The following HPS3 variants were observed in gnomAD, a reference collection of about 807,000 sequenced individuals.
The protein encoded by HPS3 is BLOC-2 complex member HPS3.
HPS3 carries 79 observed loss-of-function variants against 110.9 expected under a neutral mutation model. The observed-to-expected ratio is 0.71, with a 90% CI of 0.59 to 0.86. The LOEUF (loss-of-function observed/expected upper bound fraction) is 0.86, where lower values mean the gene tolerates loss of function less well. Among genes scored for constraint, HPS3 ranks in the 40% least tolerant of loss-of-function variants. The probability of loss-of-function intolerance (pLI) is 0.00; values close to 1 mark genes in which losing one functional copy is unlikely to be tolerated. For synonymous variants in HPS3, 428 were observed against 451.0 expected (o/e 0.95, Z 0.65); for missense variants, 1,197 against 1,206.2 (o/e 0.99, Z 0.11).
chr3:149,141,517 A>G, intron 4 of HPS3, 137 bp downstream of exon 4: 2 of 644,960 alleles, frequency 3.1e-6, no homozygotes, highest in South Asian at 1.8e-5. Context: ...CCCTTTAACA[A>G]AGTTTTTTTT....
At chr3:149,142,929 G>C (rs1722567433) in intron 4 of HPS3, among the ~76,000 whole-genome samples, 1 of 152,150 alleles carries the variant, frequency 6.6e-6, no homozygotes, top group South Asian at 2.1e-4. Flanking sequence ...GGGCGAATTG[G>C]ACTCACTTGG....
At chr3:149,137,948 A>C (rs548244928) in intron 1 of HPS3, among the ~76,000 whole-genome samples, 1 of 152,340 alleles carries the variant, frequency 6.6e-6, no homozygotes, top group South Asian at 2.1e-4. Context: ...AGACTTAAAA[A>C]TGGTGAAAAT....
chr3:149,162,749 T>C lies in HPS3; in HGVS notation c.2352T>C (p.Ala784=), dbSNP rs770885259. The change falls in exon 13 of 17, where the codon GCT becomes GCC. Residue 784 remains alanine, a synonymous_variant. Transcript: ENST00000296051. ...IPQLLVDFWE[A]QLVACLPDVV... ...AGCTCTTGGTAGACTTTTGGGAAGC[T>C]CAGCTAGTGGCATGTCTCCCAGATG... 1 of 1,614,054 alleles carries C rather than the reference T, an allele frequency of 6.2e-7. No homozygotes were observed. The highest frequency in any genetic ancestry group is 1.1e-5 in the South Asian group (1 of 91,088).
In HPS3 at chr3:149,150,646, G is replaced by C. The variant is rs773843901; in HGVS notation, c.1211G>C (p.Arg404Pro). 3 of 1,613,938 alleles carry C rather than the reference G, an allele frequency of 1.9e-6. No individual in the cohort carries two copies. The highest frequency in any genetic ancestry group is 1.3e-5 in the African/African-American group (1 of 74,900). The change falls in exon 6 of 17, where the codon CGT becomes CCT. Residue 404 changes from arginine (R) to proline (P), a missense_variant. Transcript: ENST00000296051. ...FTVRCSAAAAREEDPYMDTTL... is the reference protein window; with the variant it reads ...FTVRCSAAAAPEEDPYMDTTL... ...GTGCGGTGCAGTGCGGCGGCAGCTC[G>C]TGAGGAGGACCCGTACATGGACACC... is the stretch of plus-strand genomic sequence containing the variant.
Position 149,162,335 on chromosome 3 carries a change from T to A in HPS3, c.2292+2T>A. 6.2e-7 allele frequency: 1 copy of A among 1,613,628 alleles called. No homozygotes were observed. The highest frequency in any genetic ancestry group is 8.5e-7 in the Non-Finnish European group (1 of 1,179,612). On this transcript the variant is annotated splice_donor_variant, in intron 12 of 16. Coordinates refer to ENST00000296051, the MANE Select transcript of HPS3 (RefSeq NM_032383.5). LOFTEE classifies it high-confidence loss of function. Reference sequence around the variant, plus strand: ...GAAGAAGCAGATTCCTTTTTTAAGGTTTGTCACTTTGAAAATGTGATTTTT... The same window carrying A: ...GAAGAAGCAGATTCCTTTTTTAAGGATTGTCACTTTGAAAATGTGATTTTT...
chr3:149,160,544 C>G (rs1409509843), intron 11 of HPS3, among the ~76,000 whole-genome samples: 1 of 152,180 alleles, frequency 6.6e-6, no homozygotes, highest in Non-Finnish European at 1.5e-5. Context: ...TACTAAAGAA[C>G]AGGCTCTGCT....
At chr3:149,160,370 A>T in intron 11 of HPS3, 91 bp downstream of exon 11, 2 of 848,130 alleles carry the variant, frequency 2.4e-6, no homozygotes, top group Non-Finnish European at 4.0e-6. Context: ...TTTCTAGCTT[A>T]TATATTCTTG....
In HPS3 at chr3:149,155,184, C is replaced by T. The variant is rs1723369164; in HGVS notation, c.1478C>T (p.Thr493Met). Residue 493 changes from threonine to methionine, a missense_variant, in exon 8 of 17, where the codon ACG becomes ATG. Physicochemically the swap from Thr to Met is moderately conservative, Grantham distance 81. Coordinates refer to ENST00000296051, the MANE Select transcript of HPS3 (RefSeq NM_032383.5). ...GGGTGGAATTTGTATATTGTGAATACGATCTCACCAGTGCAGCTGTACAAA... is the reference window on the plus strand; with the variant it reads ...GGGTGGAATTTGTATATTGTGAATATGATCTCACCAGTGCAGCTGTACAAA... ...EAGWNLYIVN[T>M]ISPVQLYKEM... 11 of 1,595,428 alleles carry T rather than the reference C, an allele frequency of 6.9e-6. No homozygotes were observed. Among genetic ancestry groups the T allele is most frequent in the Admixed American group, 3.3e-5 (2 of 59,974 alleles).
chr3:149,162,926 T>C, intron 13 of HPS3, 48 bp downstream of exon 13: 1 of 1,355,936 alleles, frequency 7.4e-7, no homozygotes, highest in Non-Finnish European at 1.1e-6. Flanking sequence ...CATTGCCCAT[T>C]ACAAAAACAT....
At chr3:149,143,904 G>A (rs1722633296) in intron 4 of HPS3, among the ~76,000 whole-genome samples, 1 of 152,188 alleles carries the variant, frequency 6.6e-6, no homozygotes, top group Admixed American at 6.5e-5. Flanking sequence ...ACAGCCACAT[G>A]TAGATAGAAA....
At chr3:149,154,095 AT>A (rs1723297024) in intron 7 of HPS3, 1 of 165,792 alleles carries the variant, frequency 6.0e-6, no homozygotes, top group South Asian at 1.6e-4. Flanking sequence ...ATCTATAGAT[AT>A]GTGCTCATGT....
chr3:149,158,908 T>A (rs1283243518), intron 10 of HPS3, 62 bp downstream of exon 10: 1 of 1,164,354 alleles, frequency 8.6e-7, no homozygotes, highest in Admixed American at 1.9e-5. Context: ...TGGTTTATTT[T>A]ATGTAGTACT....
At chr3:149,134,718 G>A (rs932502832) in intron 1 of HPS3, among the ~76,000 whole-genome samples, 1 of 152,156 alleles carries the variant, frequency 6.6e-6, no homozygotes, top group South Asian at 2.1e-4. Flanking sequence ...GCCATGAGTA[G>A]CATTGTAACC....
intron 13 of HPS3, 111 bp from the exon 14 acceptor site, chr3:149,163,731 A>G (rs1724119380): frequency 2.9e-6 from 2 of 679,354 alleles, no homozygotes; most frequent in Admixed American, 4.8e-5. Context: ...GAAAGTATAT[A>G]CCTAATTCTA....
intron 1 of HPS3, among the ~76,000 whole-genome samples, chr3:149,133,595 G>C (rs563033245): frequency 5.9e-5 from 9 of 152,030 alleles, no homozygotes; most frequent in African/African-American, 1.5e-4. Context: ...CACTGTGCCC[G>C]GCCCATTGTT....
intron 4 of HPS3, among the ~76,000 whole-genome samples, chr3:149,143,312 T>C (rs946555706): frequency 4.6e-5 from 7 of 152,218 alleles, no homozygotes; most frequent in African/African-American, 1.4e-4. Flanking sequence ...TTGCTCTTCT[T>C]GTGCGTAGGG....
chr3:149,133,284 T>TTTTA, intron 1 of HPS3, among the ~76,000 whole-genome samples: 1 of 152,112 alleles, frequency 6.6e-6, no homozygotes, highest in Non-Finnish European at 1.5e-5. Context: ...TTGTTTTATT[T>TTTTA]TTTTATTTTA....
At chr3:149,141,544 T>TG (rs1401493202) in intron 4 of HPS3, among the ~76,000 whole-genome samples, 164 bp downstream of exon 4, 9 of 149,194 alleles carry the variant, frequency 6.0e-5, no homozygotes, top group Non-Finnish European at 1.2e-4. Context: ...TTTTTTTTTT[T>TG]TTTTTTTTGA....
chr3:149,153,781 G>T (rs1333711414), intron 7 of HPS3, 133 bp downstream of exon 7: 1 of 917,334 alleles, frequency 1.1e-6, no homozygotes, highest in Non-Finnish European at 1.7e-6. Flanking sequence ...TCTTTTTCCA[G>T]AGAAAGAAAA....
Sources: gnomAD v4.1 joint callset for allele counts (sites outside exome capture counted in the v4.1 genomes callset) on GRCh38, gnomAD v4.1.1 for gene constraint, MANE v1.5 for transcripts, NCBI Gene and HGNC (gene_info 2026-07-23, HGNC 2026-07-21) for gene names.